Variants in TRIM47 observed in about 807,000 individuals in gnomAD.
The protein encoded by TRIM47 is tripartite motif containing 47.
TRIM47 carries 46 observed loss-of-function variants against 54.4 expected under a neutral mutation model. That is an observed-to-expected ratio of 0.84 (90% CI 0.67 to 1.08). The LOEUF is 1.08. Among genes scored for constraint, TRIM47 ranks in the 50% least tolerant of loss-of-function variants. TRIM47 has a pLI of 0.00. For missense variants in TRIM47, 825 were observed against 910.1 expected, an observed-to-expected ratio of 0.91 and a Z score of 1.20; for synonymous variants, 392 against 410.2, an observed-to-expected ratio of 0.96 and a Z score of 0.54.
At chr17:75,877,588 C>G in intron 1 of TRIM47, 1 of 1,025,578 alleles carries the variant, frequency 9.8e-7, no homozygotes, top group Non-Finnish European at 1.2e-6. Flanking sequence ...GCGGGCCTAA[C>G]CCGGCTCCCT....
At position 75,875,094 on chromosome 17, in the gene TRIM47, T is replaced by A. The variant is rs1161154485; in HGVS notation, c.1306A>T (p.Thr436Ser). The A allele has an allele frequency of 6.2e-7, 1 of 1,604,766 alleles. No homozygotes were observed. Among genetic ancestry groups the A allele is most frequent in the Admixed American group, 1.7e-5 (1 of 59,710 alleles). ...FAYIVDLDSD[T>S]ADKFLQLFGT... is the part of the protein sequence containing the mutation. ...AACAGCTGCAGGAACTTGTCTGCTG[T>A]GTCGCTGTCCAAATCCACAATATAG... The change falls in exon 6 of 6, where the codon ACA becomes TCA. Residue 436 changes from threonine to serine, a missense_variant. Coordinates refer to ENST00000254816, the MANE Select transcript of TRIM47 (RefSeq NM_033452.3). This position sits in a 1 kb window ranked among gnomAD's most constrained non-coding sequence, Gnocchi z 6.1.
At position 75,875,451 on chromosome 17, in the gene TRIM47, C is replaced by T. The variant is rs767591451; in HGVS notation, c.1225G>A (p.Glu409Lys). 35 of 1,614,094 alleles carry T rather than the reference C, an allele frequency of 2.2e-5. No homozygotes were observed. Among genetic ancestry groups the T allele is most frequent in the Non-Finnish European group, 2.9e-5 (34 of 1,180,002 alleles). The change falls in exon 5 of 6, where the codon GAG becomes AAG. Residue 409 changes from glutamate (E) to lysine (K), a missense_variant. By Grantham distance (56) the Glu-to-Lys change is moderately conservative. Transcript: ENST00000254816. This position sits in a 1 kb window ranked among gnomAD's most constrained non-coding sequence, Gnocchi z 6.1. ...SEADAEPQDL[E>K]STNLLESEAP... The stretch of plus-strand genomic sequence containing the variant: ...TCACTCTCCAAGAGGTTCGTACTCT[C>T]GAGGTCTTGGGGCTCAGCATCAGCT...
intron 1 of TRIM47, 97 bp from the exon 2 acceptor site, chr17:75,876,910 G>C (rs2065139161): frequency 3.4e-6 from 4 of 1,186,142 alleles, no homozygotes; most frequent in Non-Finnish European, 3.6e-6. Context: ...GGGGTGACTG[G>C]GGAGTGGTAT....
chr17:75,876,865 A>G (rs757004192), intron 1 of TRIM47, 52 bp from the exon 2 acceptor site: 1 of 1,580,428 alleles, frequency 6.3e-7, no homozygotes, highest in Non-Finnish European at 8.7e-7. Flanking sequence ...CCACAGCCCT[A>G]CACTCGGGTC....
rs371497987 is a variant in TRIM47 at position 75,874,782 on chromosome 17, G to C, written c.1618C>G (p.Leu540Val). The C allele has an allele frequency of 3.1e-6, 5 of 1,613,932 alleles. No homozygotes were observed. In the African/African-American group the frequency reaches 5.3e-5, roughly 17 times the overall value. Residue 540 changes from leucine (L) to valine (V), a missense_variant, in exon 6 of 6, where the codon CTG (leucine) becomes GTG (valine). Physicochemically the swap from Leu to Val is conservative, Grantham distance 32 (BLOSUM62 1). Coordinates refer to ENST00000254816, the MANE Select transcript of TRIM47 (RefSeq NM_033452.3). This position sits in a 1 kb window ranked among gnomAD's most constrained non-coding sequence, Gnocchi z 6.2. ...SVWFHGLEAP[L>V]PHPFSPTVGV... is the part of the protein sequence containing the mutation. ...ACCGTGGGCGAGAAGGGGTGGGGCAGGGGAGCCTCCAGCCCATGAAACCAG... is the reference window on the plus strand; with the variant it reads ...ACCGTGGGCGAGAAGGGGTGGGGCACGGGAGCCTCCAGCCCATGAAACCAG...
rs374902611 is a variant in TRIM47 at position 75,878,404 on chromosome 17, C to G, written c.145G>C (p.Gly49Arg). The stretch of plus-strand genomic sequence containing the variant: ...CACAGCGGGCAGCGGGCCGCGCCTC[C>G]GGGTCCGCCGGCTCCACTCGCGCCA... The part of the protein sequence containing the change: ...HRGASGAGGP[G>R]GAARCPLCQE... The change falls in exon 1 of 6, where the codon GGA (glycine) becomes CGA (arginine). Residue 49 changes from glycine (G) to arginine (R), a missense_variant. Transcript: ENST00000254816. 11 of 1,425,844 alleles carry G rather than the reference C, an allele frequency of 7.7e-6. No individual in the cohort carries two copies. The highest frequency in any genetic ancestry group is 9.2e-6 in the Non-Finnish European group (10 of 1,082,668). The allele number at this position is 1,425,844 out of a possible 1,614,324, so 88.3% of individuals were successfully genotyped here. A position where few individuals can be genotyped will look rare whatever the true frequency, so the allele number is the denominator to read the frequency against.
At position 75,876,104 on chromosome 17, in the gene TRIM47, G is replaced by A; in HGVS notation, c.1003-5C>T. 2 of 1,599,872 alleles carry A rather than the reference G, an allele frequency of 1.3e-6. No homozygotes were observed. The highest frequency in any genetic ancestry group is 1.7e-6 in the Non-Finnish European group (2 of 1,179,484). On this transcript the variant is annotated splice_polypyrimidine_tract_variant and splice_region_variant and intron_variant, in intron 3 of 5. Coordinates refer to ENST00000254816, the MANE Select transcript of TRIM47 (RefSeq NM_033452.3). ...CAGCCTTAGTGCCAGCAGCTCCTGT[G>A]CCAGACAAATGCCCATTAAAGTGCT...
Position 75,878,081 on chromosome 17 carries a change from C to A in TRIM47, c.468G>T (p.Leu156=). The A allele has an allele frequency of 7.5e-7, 1 of 1,339,472 alleles. No homozygotes were observed. The highest frequency in any genetic ancestry group is 9.5e-7 in the Non-Finnish European group (1 of 1,049,746). The allele number at this position is 1,339,472 out of a possible 1,614,324, so 83.0% of individuals were successfully genotyped here. Residue 156 remains leucine, a synonymous_variant, in exon 1 of 6, where the codon CTG becomes CTT. Coordinates refer to ENST00000254816, the MANE Select transcript of TRIM47 (RefSeq NM_033452.3). ...SCLASFCPAH[L]GPHERSPALR... The stretch of plus-strand genomic sequence containing the variant: ...GGGCGGGGCTGCGCTCGTGCGGGCC[C>A]AGGTGCGCGGGGCAAAAGGAGGCGA...
Position 75,875,601 on chromosome 17 carries a change from T to C in TRIM47, c.1202-127A>G, listed in dbSNP as rs2065128616. ...CACCAGGGAGCAAGCACCACCCAGA[T>C]GTGGCACGCTGTGCTCACACACATG... On this transcript the variant is annotated intron_variant, in intron 4 of 5. Coordinates refer to ENST00000254816, the MANE Select transcript of TRIM47 (RefSeq NM_033452.3). This position sits in a 1 kb window ranked among gnomAD's most constrained non-coding sequence, Gnocchi z 6.1. The C allele has an allele frequency of 1.2e-6, 1 of 839,152 alleles. No homozygotes were observed. Among genetic ancestry groups the C allele is most frequent in the South Asian group, 1.5e-5 (1 of 68,538 alleles). 52.0% of individuals were successfully genotyped at this position (839,152 alleles called of 1,614,324 possible). A position where few individuals can be genotyped will look rare whatever the true frequency, so the allele number is the denominator to read the frequency against.
Position 75,874,235 on chromosome 17 carries a change from G to A in TRIM47, c.*248C>T, listed in dbSNP as rs2065117643. The stretch of plus-strand genomic sequence containing the variant: ...ATTCTAGAAACCTGGGAAAGGAGGG[G>A]TTAGGGTAGCTTGGAGCTGTCCCAG... On this transcript the variant is annotated 3_prime_UTR_variant, in exon 6 of 6. Coordinates refer to ENST00000254816, the MANE Select transcript of TRIM47 (RefSeq NM_033452.3). This position sits in a 1 kb window ranked among gnomAD's most constrained non-coding sequence, Gnocchi z 6.2. 5.1e-6 allele frequency: 2 copies of A among 395,134 alleles called. No individual in the cohort carries two copies. Among genetic ancestry groups the A allele is most frequent in the Non-Finnish European group, 9.0e-6 (2 of 223,028 alleles). The allele number at this position is 395,134 out of a possible 1,614,324, so 24.5% of individuals were successfully genotyped here. A position where few individuals can be genotyped will look rare whatever the true frequency, so the allele number is the denominator to read the frequency against.
Position 75,874,820 on chromosome 17 carries a change from C to T in TRIM47, c.1580G>A (p.Arg527His), listed in dbSNP as rs201279020. ...AHSCCLQWNG[R>H]SFSVWFHGLE... is the part of the protein sequence containing the mutation. ...CCCATGAAACCAGACGGAGAAGCTG[C>T]GTCCATTCCACTGCAGGCAGCAGGA... The change falls in exon 6 of 6, where the codon CGC becomes CAC. Residue 527 changes from arginine (R) to histidine (H), a missense_variant. Physicochemically the swap from Arg to His is conservative, Grantham distance 29. Transcript: ENST00000254816. This position sits in a 1 kb window ranked among gnomAD's most constrained non-coding sequence, Gnocchi z 6.2. 2.0e-5 allele frequency: 33 copies of T among 1,614,058 alleles called. No homozygotes were observed. In the East Asian group the frequency reaches 3.6e-4, roughly 17 times the overall value.
Position 75,874,912 on chromosome 17 carries a change from C to T in TRIM47, c.1488G>A (p.Gly496=), listed in dbSNP as rs1189745924. ...GTGGGGAGAAGTCTTCGGCCATGACCCCCATGCTGACCCAGCCCTCGATAA... is the reference window on the plus strand; with the variant it reads ...GTGGGGAGAAGTCTTCGGCCATGACTCCCATGCTGACCCAGCCCTCGATAA... ...VEIIEGWVSM[G]VMAEDFSPQE... is the part of the protein sequence containing the mutation. Residue 496 remains glycine (G), a synonymous_variant, in exon 6 of 6, where the codon GGG becomes GGA. Transcript: ENST00000254816. This position sits in a 1 kb window ranked among gnomAD's most constrained non-coding sequence, Gnocchi z 6.2. 3.7e-6 allele frequency: 6 copies of T among 1,614,022 alleles called. No homozygotes were observed. Among genetic ancestry groups the T allele is most frequent in the Admixed American group, 1.7e-5 (1 of 60,006 alleles).
rs2065123155 is a variant in TRIM47, at chr17:75,874,855, G to A, written c.1545C>T (p.Arg515=). ...QEPYDRGRLG[R]NAHSCCLQWN... is the part of the protein sequence containing the mutation. The stretch of plus-strand genomic sequence containing the variant: ...ACTGCAGGCAGCAGGAGTGGGCGTT[G>A]CGGCCCAGCCGGCCGCGGTCGTAGG... The change falls in exon 6 of 6, where the codon CGC becomes CGT. Residue 515 remains arginine, a synonymous_variant. Coordinates refer to ENST00000254816, the MANE Select transcript of TRIM47 (RefSeq NM_033452.3). This position sits in a 1 kb window ranked among gnomAD's most constrained non-coding sequence, Gnocchi z 6.2. The A allele has an allele frequency of 6.2e-7, 1 of 1,614,146 alleles. No individual in the cohort carries two copies. Among genetic ancestry groups the A allele is most frequent in the Non-Finnish European group, 8.5e-7 (1 of 1,180,024 alleles).
Position 75,878,141 on chromosome 17 carries a change from C to A in TRIM47, c.408G>T (p.Ala136=). 1 of 1,249,326 alleles carries A rather than the reference C, an allele frequency of 8.0e-7. No individual in the cohort carries two copies. The highest frequency in any genetic ancestry group is 1.0e-6 in the Non-Finnish European group (1 of 997,936). 77.4% of individuals were successfully genotyped at this position (1,249,326 alleles called of 1,614,324 possible). A position where few individuals can be genotyped will look rare whatever the true frequency, so the allele number is the denominator to read the frequency against. The change falls in exon 1 of 6, where the codon GCG becomes GCT. Residue 136 remains alanine, a synonymous_variant. Coordinates refer to ENST00000254816, the MANE Select transcript of TRIM47 (RefSeq NM_033452.3). ...GGCAGGACAGCGCGGCGGGCAGGGC[C>A]GCGCCCTCGGGGCACGCGTCGCAGC... ...PVRCDACPEG[A]ALPAALSCLS... is the part of the protein sequence containing the mutation.
In TRIM47 at chr17:75,878,322, A is replaced by G; in HGVS notation, c.227T>C (p.Leu76Pro). ...GCCCGAGCCCTGGCGGAGCTGCAGC[A>G]GCTCGGACAGCGTGTGGTTCTTGCG... is the stretch of plus-strand genomic sequence containing the variant. ...QLRKNHTLSELLQLRQGSGPG... is the reference protein window; with the variant it reads ...QLRKNHTLSEPLQLRQGSGPG... Residue 76 changes from leucine (L) to proline (P), a missense_variant, in exon 1 of 6, where the codon CTG becomes CCG. Coordinates refer to ENST00000254816, the MANE Select transcript of TRIM47 (RefSeq NM_033452.3). 1 of 1,297,650 alleles carries G rather than the reference A, an allele frequency of 7.7e-7. No homozygotes were observed. The highest frequency in any genetic ancestry group is 9.8e-7 in the Non-Finnish European group (1 of 1,018,938). 80.4% of individuals were successfully genotyped at this position (1,297,650 alleles called of 1,614,324 possible).
Position 75,874,385 on chromosome 17 carries a change from T to G in TRIM47, c.*98A>C. ...CCTCTAGAAATGAGAAGGCTGGGTG[T>G]GTGGGACTCATGCTGGTGCCTTCCC... On this transcript the variant is annotated 3_prime_UTR_variant, in exon 6 of 6. Transcript: ENST00000254816. The surrounding 1 kb of genome is among the most constrained non-coding windows in gnomAD (Gnocchi z 6.2). 8.7e-7 allele frequency: 1 copy of G among 1,151,162 alleles called. No homozygotes were observed. Among genetic ancestry groups the G allele is most frequent in the Non-Finnish European group, 1.2e-6 (1 of 833,726 alleles). The allele number at this position is 1,151,162 out of a possible 1,614,324, so 71.3% of individuals were successfully genotyped here.
Position 75,876,370 on chromosome 17 carries a change from G to A in TRIM47, c.894C>T (p.Gly298=), listed in dbSNP as rs1457472445. Reference sequence around the variant, plus strand: ...GTCGCCGCAGGTCACCCTGGGAGCGGCCTAGCATGGCAGCTTCCCCCTCCT... The same window carrying A: ...GTCGCCGCAGGTCACCCTGGGAGCGACCTAGCATGGCAGCTTCCCCCTCCT... ...FIEEGEAAML[G]RSQGDLRRQE... Residue 298 remains glycine (G), a synonymous_variant, in exon 3 of 6, where the codon GGC becomes GGT. Coordinates refer to ENST00000254816, the MANE Select transcript of TRIM47 (RefSeq NM_033452.3). 1 of 1,612,080 alleles carries A rather than the reference G, an allele frequency of 6.2e-7. No homozygotes were observed.
Position 75,876,343 on chromosome 17 carries a change from C to T in TRIM47, c.921G>A (p.Gln307=), listed in dbSNP as rs2065134156. ...GGCTCAGGCGGCTGCGCTGTTCCTCCTGTCGCCGCAGGTCACCCTGGGAGC... is the reference window on the plus strand; with the variant it reads ...GGCTCAGGCGGCTGCGCTGTTCCTCTTGTCGCCGCAGGTCACCCTGGGAGC... ...LGRSQGDLRR[Q]EEQRSRLSRA... Residue 307 remains glutamine (Q), a synonymous_variant, in exon 3 of 6, where the codon CAG becomes CAA. Transcript: ENST00000254816. The T allele has an allele frequency of 6.2e-7, 1 of 1,611,848 alleles. No homozygotes were observed. Among genetic ancestry groups the T allele is most frequent in the Non-Finnish European group, 8.5e-7 (1 of 1,179,986 alleles).
At position 75,878,351 on chromosome 17, in the gene TRIM47, C is replaced by T; in HGVS notation, c.198G>A (p.Gln66=). The T allele has an allele frequency of 7.4e-7, 1 of 1,354,154 alleles. No individual in the cohort carries two copies. The highest frequency in any genetic ancestry group is 9.6e-7 in the Non-Finnish European group (1 of 1,046,572). 83.9% of individuals were successfully genotyped at this position (1,354,154 alleles called of 1,614,324 possible). ...LCQEPFPDGL[Q]LRKNHTLSEL... The stretch of plus-strand genomic sequence containing the variant: ...CGGACAGCGTGTGGTTCTTGCGGAG[C>T]TGAAGGCCGTCGGGGAAGGGCTCCT... Residue 66 remains glutamine (Q), a synonymous_variant, in exon 1 of 6, where the codon CAG becomes CAA. Coordinates refer to ENST00000254816, the MANE Select transcript of TRIM47 (RefSeq NM_033452.3).
Sources: allele counts gnomAD v4.1 joint callset, GRCh38; gene constraint gnomAD v4.1.1; non-coding constraint Gnocchi (gnomAD v3.1); transcripts MANE v1.5; gene names NCBI Gene and HGNC (gene_info 2026-07-23, HGNC 2026-07-21).